PTPRT: variants seen among roughly 807,000 people sequenced by gnomAD.
The protein encoded by PTPRT is protein tyrosine phosphatase receptor type T.
A neutral mutation model predicts 176.8 loss-of-function variants in PTPRT; 56 were observed. That is an observed-to-expected ratio of 0.32 (90% CI 0.26 to 0.40). PTPRT has a LOEUF of 0.40. Ranked by LOEUF, PTPRT falls within the 10% of genes least tolerant of loss-of-function variation. The probability of loss-of-function intolerance (pLI) is 1.00; values close to 1 mark genes in which losing one functional copy is unlikely to be tolerated. For missense variants in PTPRT, 1,540 were observed against 1,908.2 expected (o/e 0.81, Z 3.60); for synonymous variants, 783 against 739.0 (o/e 1.06, Z -0.96).
chr20:42,508,610 A>T (rs183541154), intron 7 of PTPRT, among the ~76,000 whole-genome samples: 1 of 152,220 alleles, frequency 6.6e-6, no homozygotes, highest in Non-Finnish European at 1.5e-5. Context: ...CAACCTTACC[A>T]AGACAGGTAT....
chr20:42,950,510 G>A (rs2146014931), intron 1 of PTPRT, among the ~76,000 whole-genome samples: 1 of 152,264 alleles, frequency 6.6e-6, no homozygotes, highest in East Asian at 1.9e-4. Flanking sequence ...TGTGGAAACA[G>A]CATGGAATCC....
intron 3 of PTPRT, among the ~76,000 whole-genome samples, chr20:42,786,733 T>C (rs2077296494): frequency 6.6e-6 from 1 of 152,196 alleles, no homozygotes; most frequent in African/African-American, 2.4e-5. Flanking sequence ...TCTGGTCCTA[T>C]ATATGGGGTT....
chr20:43,124,653 C>A, intron 1 of PTPRT, among the ~76,000 whole-genome samples: 1 of 152,358 alleles, frequency 6.6e-6, no homozygotes, highest in East Asian at 1.9e-4. Flanking sequence ...ATCTTTCACG[C>A]ATTCAACGAT....
At chr20:42,487,541 C>T (rs769430857) in intron 7 of PTPRT, among the ~76,000 whole-genome samples, 2 of 152,054 alleles carry the variant, frequency 1.3e-5, no homozygotes, top group Admixed American at 6.5e-5. Flanking sequence ...CTGGATTATC[C>T]GGGTGGGCCC....
rs901677105 is a variant in PTPRT at position 42,073,493 on chromosome 20, T to C, written c.*7386A>G. The C allele has an allele frequency of 4.8e-6, 1 of 206,812 alleles. No individual in the cohort carries two copies. The allele number at this position is 206,812 out of a possible 1,614,324, so 12.8% of individuals were successfully genotyped here. On this transcript the variant is annotated 3_prime_UTR_variant, in exon 31 of 31. Coordinates refer to ENST00000373187, the MANE Select transcript of PTPRT (RefSeq NM_007050.6). ...AAATAACCTCTGGAGATAATGTGTA[T>C]GGTAAGAAAAGCCCTGCTCTGTGTC... is the stretch of plus-strand genomic sequence containing the variant.
intron 7 of PTPRT, among the ~76,000 whole-genome samples, chr20:42,513,201 G>T (rs979207617): frequency 1.5e-4 from 21 of 144,668 alleles, no homozygotes; most frequent in East Asian, 4.2e-4. Flanking sequence ...CTATTGATGG[G>T]GTGTGTGTGT....
At chr20:42,844,894 C>T (rs1374929607) in intron 2 of PTPRT, among the ~76,000 whole-genome samples, 1 of 152,206 alleles carries the variant, frequency 6.6e-6, no homozygotes, top group Non-Finnish European at 1.5e-5. Flanking sequence ...CCATGACTCT[C>T]TATCCCACCC....
intron 6 of PTPRT, among the ~76,000 whole-genome samples, chr20:42,682,588 A>T (rs2075621810): frequency 6.6e-6 from 1 of 152,228 alleles, no homozygotes; most frequent in Non-Finnish European, 1.5e-5. Flanking sequence ...CCCTCTGCTC[A>T]CAAAGTTTGC....
At chr20:42,950,741 T>A (rs1240309193) in intron 1 of PTPRT, among the ~76,000 whole-genome samples, 2 of 152,204 alleles carry the variant, frequency 1.3e-5, no homozygotes, top group African/African-American at 4.8e-5. Flanking sequence ...CCTTAAATAT[T>A]AATATGTCTG....
At chr20:42,345,618 G>GTGTGTGTATATGTA in intron 11 of PTPRT, among the ~76,000 whole-genome samples, 1 of 105,646 alleles carries the variant, frequency 9.5e-6, no homozygotes, top group South Asian at 3.6e-4. Context: ...GTGTGTGTGT[G>GTGTGTGTATATGTA]TATATATATG....
chr20:42,352,764 G>A (rs945125254), intron 9 of PTPRT, among the ~76,000 whole-genome samples: 1 of 152,056 alleles, frequency 6.6e-6, no homozygotes, highest in Middle Eastern at 3.4e-3. Flanking sequence ...TGAGGGGATG[G>A]ACACCCCATC....
At chr20:42,621,773 A>G (rs2145859427) in intron 7 of PTPRT, among the ~76,000 whole-genome samples, 1 of 152,264 alleles carries the variant, frequency 6.6e-6, no homozygotes, top group Admixed American at 6.5e-5. Flanking sequence ...TCAAATGTCT[A>G]CTTCCAGTCT....
intron 7 of PTPRT, among the ~76,000 whole-genome samples, chr20:42,641,163 C>A (rs1480689251): frequency 6.6e-6 from 1 of 152,108 alleles, no homozygotes; most frequent in Non-Finnish European, 1.5e-5. Flanking sequence ...TGAATTAATT[C>A]TTTAGGATAA....
At chr20:42,395,903 A>G (rs1028919274) in intron 9 of PTPRT, among the ~76,000 whole-genome samples, 2 of 152,144 alleles carry the variant, frequency 1.3e-5, no homozygotes, top group Non-Finnish European at 2.9e-5. Flanking sequence ...CAAGGGTCCC[A>G]AAGCTTAGCA....
In PTPRT at chr20:42,074,315, CAG is replaced by C. The variant is rs1254130656; in HGVS notation, c.*6562_*6563del. On this transcript the variant is annotated 3_prime_UTR_variant, in exon 31 of 31. Coordinates refer to ENST00000373187, the MANE Select transcript of PTPRT (RefSeq NM_007050.6). ...GCCCAAAGGCACTGAAGTAATTGTA[CAG>C]AGACTCAATTTTGTAATTTTGGTGG... 8.6e-6 allele frequency: 2 copies of C among 231,742 alleles called. No individual in the cohort carries two copies. The highest frequency in any genetic ancestry group is 2.2e-5 in the African/African-American group (1 of 45,252). 14.4% of individuals were successfully genotyped at this position (231,742 alleles called of 1,614,324 possible). A position where few individuals can be genotyped will look rare whatever the true frequency, so the allele number is the denominator to read the frequency against.
At chr20:42,037,430 AAGG>A in the PTPRT span, among the ~76,000 whole-genome samples, 1 of 152,078 alleles carries the variant, frequency 6.6e-6, no homozygotes, top group Non-Finnish European at 1.5e-5. Flanking sequence ...CCTCCACCAA[AAGG>A]AGAGGCCTCT....
At chr20:42,104,050 T>A (rs1187410042) in intron 25 of PTPRT, among the ~76,000 whole-genome samples, 1 of 152,208 alleles carries the variant, frequency 6.6e-6, no homozygotes, top group Non-Finnish European at 1.5e-5. Context: ...AATGTTTTCA[T>A]CCCTCCCAAA....
At chr20:42,841,610 TACACACACACACAC>T (rs3973897) in intron 2 of PTPRT, among the ~76,000 whole-genome samples, 5,668 of 140,928 alleles carry the variant, frequency 0.04, 255 homozygotes, top group East Asian at 0.19. Flanking sequence ...TAGTGTTAAA[TACACACACACACAC>T]ACACACACAC....
intron 7 of PTPRT, among the ~76,000 whole-genome samples, chr20:42,602,346 G>C (rs1284133009): frequency 6.6e-6 from 1 of 152,160 alleles, no homozygotes; most frequent in Non-Finnish European, 1.5e-5. Context: ...CATGCTACTA[G>C]ATTGTTCTTA....
Sources: allele counts gnomAD v4.1 joint callset (sites outside exome capture counted in the v4.1 genomes callset), GRCh38; gene constraint gnomAD v4.1.1; transcripts MANE v1.5; gene names NCBI Gene and HGNC (gene_info 2026-07-23, HGNC 2026-07-21).